Variants in EXOC4 observed in about 807,000 individuals in gnomAD.
EXOC4 encodes the protein exocyst complex component 4.
In EXOC4, 71 loss-of-function variants were observed where a neutral mutation model predicts 107.2. That is an observed-to-expected ratio of 0.66 (90% CI 0.55 to 0.81). EXOC4 has a LOEUF of 0.81. EXOC4 is among the 30% of genes least tolerant of loss of function. EXOC4 has a pLI of 0.00. For synonymous variants in EXOC4, 456 were observed against 441.2 expected (o/e 1.03, Z -0.42); for missense variants, 1,108 against 1,189.6 (o/e 0.93, Z 1.01).
chr7:133,768,670 T>C (rs1312548072), intron 10 of EXOC4, among the ~76,000 whole-genome samples: 3 of 152,000 alleles, frequency 2.0e-5, no homozygotes, highest in Non-Finnish European at 4.4e-5. Context: ...AGCCACACTT[T>C]AATGAATTCC....
chr7:133,839,973 A>G (rs1797991924), intron 11 of EXOC4, among the ~76,000 whole-genome samples: 1 of 138,024 alleles, frequency 7.2e-6, no homozygotes, highest in South Asian at 2.3e-4. Flanking sequence ...TCAATGTTAT[A>G]TCTGCCATGA....
At chr7:133,576,938 G>A (rs1177759915) in intron 9 of EXOC4, 8 of 1,128,458 alleles carry the variant, frequency 7.1e-6, no homozygotes, top group African/African-American at 4.8e-5. Flanking sequence ...TTCACTGCAT[G>A]TGTGTATGTG....
At chr7:133,882,141 T>G (rs1798980055) in intron 11 of EXOC4, among the ~76,000 whole-genome samples, 1 of 152,232 alleles carries the variant, frequency 6.6e-6, no homozygotes, top group Non-Finnish European at 1.5e-5. Context: ...TTCGGCATTA[T>G]GTCTGTGATA....
At chr7:133,380,516 A>T (rs1796593669) in intron 7 of EXOC4, among the ~76,000 whole-genome samples, 1 of 152,122 alleles carries the variant, frequency 6.6e-6, no homozygotes, top group African/African-American at 2.4e-5. Flanking sequence ...CACTCCTCAT[A>T]TCCCACTCCC....
At chr7:133,499,835 G>C (rs1274425620) in intron 9 of EXOC4, among the ~76,000 whole-genome samples, 1 of 152,048 alleles carries the variant, frequency 6.6e-6, no homozygotes, top group Non-Finnish European at 1.5e-5. Context: ...ACATTTCCTG[G>C]GGCCTTCCCA....
Position 133,823,883 on chromosome 7 carries a change from TA to T in EXOC4, c.1734+6340del, listed in dbSNP as rs1190192238. Among the ~76,000 whole-genome samples the T allele has an allele frequency of 8.3e-4, 17 of 20,502 alleles. No individual in the cohort carries two copies. In the African/African-American group the frequency reaches 0.012, roughly 15 times the overall value. The allele number at this position is 20,502 out of a possible 152,430, so 13.5% of individuals were successfully genotyped here. Reference sequence around the variant, plus strand: ...TATATATATATATATTATATATATATATATATATATTTTATATATATATATA... The same window carrying T: ...TATATATATATATATTATATATATATTATATATATTTTATATATATATATA... On this transcript the variant is annotated intron_variant, in intron 11 of 17. Transcript: ENST00000253861.
intron 17 of EXOC4, among the ~76,000 whole-genome samples, chr7:134,014,335 A>C (rs1585322390): frequency 6.6e-6 from 1 of 152,186 alleles, no homozygotes; most frequent in East Asian, 1.9e-4. Flanking sequence ...CCTGGGAGGC[A>C]GAGCTTGCAG....
At chr7:133,994,754 GTT>G (rs563062512) in intron 14 of EXOC4, among the ~76,000 whole-genome samples, 74 of 96,694 alleles carry the variant, frequency 7.7e-4, no homozygotes, top group South Asian at 2.8e-3. Flanking sequence ...TATGTACAAG[GTT>G]TTGTGTGTGT....
At chr7:133,905,030 A>G (rs773198431) in intron 12 of EXOC4, among the ~76,000 whole-genome samples, 2 of 152,188 alleles carry the variant, frequency 1.3e-5, no homozygotes, top group South Asian at 2.1e-4. Flanking sequence ...ATAGAAAGCC[A>G]TATACAATTC....
intron 9 of EXOC4, among the ~76,000 whole-genome samples, chr7:133,495,458 G>A (rs535965653): frequency 2.0e-5 from 3 of 152,090 alleles, no homozygotes; most frequent in South Asian, 4.2e-4. Context: ...CTAAATTCTT[G>A]CACATATGTA....
intron 3 of EXOC4, among the ~76,000 whole-genome samples, chr7:133,305,491 T>A (rs1027072107): frequency 1.3e-5 from 2 of 152,210 alleles, no homozygotes; most frequent in Non-Finnish European, 2.9e-5. Flanking sequence ...TGCTTTTTTT[T>A]AAAGCCTTAG....
chr7:133,393,541 C>T (rs1796901174), intron 7 of EXOC4, among the ~76,000 whole-genome samples: 1 of 152,074 alleles, frequency 6.6e-6, no homozygotes, highest in African/African-American at 2.4e-5. Flanking sequence ...AAAGCCAGTC[C>T]CCAATGTGAT....
chr7:133,958,589 C>CA (rs1353815954), intron 14 of EXOC4, among the ~76,000 whole-genome samples: 1 of 152,052 alleles, frequency 6.6e-6, no homozygotes, highest in African/African-American at 2.4e-5. Flanking sequence ...TACTCTGGCA[C>CA]AAAAAACACT....
intron 10 of EXOC4, among the ~76,000 whole-genome samples, chr7:133,777,668 G>A (rs1378092325): frequency 6.6e-6 from 1 of 152,116 alleles, no homozygotes; most frequent in Non-Finnish European, 1.5e-5. Flanking sequence ...AGACTATCTG[G>A]GTTCAAATTC....
intron 9 of EXOC4, among the ~76,000 whole-genome samples, chr7:133,499,002 G>T (rs923443888): frequency 3.3e-5 from 5 of 150,536 alleles, no homozygotes; most frequent in Non-Finnish European, 5.9e-5. Flanking sequence ...ATTTTATATC[G>T]TGCTTATTAA....
At chr7:133,351,291 G>A (rs1795904001) in intron 5 of EXOC4, among the ~76,000 whole-genome samples, 1 of 151,998 alleles carries the variant, frequency 6.6e-6, no homozygotes, top group East Asian at 1.9e-4. Flanking sequence ...TTAAATGTTT[G>A]GTAGAATTGA....
At chr7:133,462,406 G>A (rs534522238) in intron 7 of EXOC4, among the ~76,000 whole-genome samples, 6 of 152,290 alleles carry the variant, frequency 3.9e-5, no homozygotes, top group Admixed American at 3.3e-4. Flanking sequence ...GAGGCACATA[G>A]TTGTCATCGT....
chr7:133,659,107 C>T (rs1296340917), intron 10 of EXOC4, among the ~76,000 whole-genome samples: 1 of 142,102 alleles, frequency 7.0e-6, no homozygotes, highest in Non-Finnish European at 1.5e-5. Flanking sequence ...AGGTAAAATG[C>T]CCTCAAAGCA....
chr7:133,470,728 G>A (rs1245988727), intron 7 of EXOC4, among the ~76,000 whole-genome samples: 3 of 152,132 alleles, frequency 2.0e-5, no homozygotes, highest in Admixed American at 6.5e-5. Flanking sequence ...AAAGAGATTA[G>A]TATCTAAGAT....
Sources: gnomAD v4.1 joint callset for allele counts (sites outside exome capture counted in the v4.1 genomes callset) on GRCh38, gnomAD v4.1.1 for gene constraint, MANE v1.5 for transcripts, NCBI Gene and HGNC (gene_info 2026-07-23, HGNC 2026-07-21) for gene names.